The following FMN1 variants were observed in gnomAD, a reference collection of about 807,000 sequenced individuals.
FMN1 encodes the protein formin-1.
In FMN1, 110 loss-of-function variants were observed where a neutral mutation model predicts 132.4. That is an observed-to-expected ratio of 0.83 (90% CI 0.71 to 0.97). The LOEUF (loss-of-function observed/expected upper bound fraction) is 0.97, where lower values mean the gene tolerates loss of function less well. Ranked by LOEUF, FMN1 falls within the 50% of genes least tolerant of loss-of-function variation. The probability of loss-of-function intolerance (pLI) is 0.00; values close to 1 mark genes in which losing one functional copy is unlikely to be tolerated. For synonymous variants in FMN1, 722 were observed against 651.7 expected, an observed-to-expected ratio of 1.11 and a Z score of -1.64; for missense variants, 1,792 against 1,705.3, an observed-to-expected ratio of 1.05 and a Z score of -0.90.
intron 5 of FMN1, among the ~76,000 whole-genome samples, chr15:33,083,783 A>G (rs2038582022): frequency 6.6e-6 from 1 of 152,128 alleles, no homozygotes; most frequent in African/African-American, 2.4e-5. Context: ...AGGATAAAAA[A>G]GAAGGTTACC....
chr15:33,016,811 C>T (rs936375799), intron 6 of FMN1, among the ~76,000 whole-genome samples: 10 of 152,202 alleles, frequency 6.6e-5, no homozygotes, highest in Admixed American at 2.6e-4. Context: ...ATAGTAAAGG[C>T]TTTGACGCAG....
At chr15:32,940,829 C>T (rs1042947188) in intron 9 of FMN1, among the ~76,000 whole-genome samples, 1 of 152,134 alleles carries the variant, frequency 6.6e-6, no homozygotes, top group African/African-American at 2.4e-5. Flanking sequence ...TTCATGGCCA[C>T]TAGGGTAAAG....
chr15:33,009,246 T>G (rs542064385), intron 6 of FMN1, among the ~76,000 whole-genome samples: 2 of 152,106 alleles, frequency 1.3e-5, no homozygotes, highest in Admixed American at 1.3e-4. Flanking sequence ...GTTACCACCA[T>G]CTCCACTAGA....
intron 4 of FMN1, among the ~76,000 whole-genome samples, chr15:33,152,415 G>T (rs1414694902): frequency 1.3e-5 from 2 of 152,054 alleles, no homozygotes; most frequent in South Asian, 2.1e-4. Flanking sequence ...GTGCTTATTT[G>T]GGAAATTTAA....
intron 12 of FMN1, among the ~76,000 whole-genome samples, chr15:32,905,605 GCTTT>G (rs372632081): frequency 3.9e-4 from 60 of 152,196 alleles, no homozygotes; most frequent in African/African-American, 1.4e-3. Context: ...GTGGGCAATG[GCTTT>G]CTAAATCTGG....
intron 16 of FMN1, among the ~76,000 whole-genome samples, chr15:32,869,364 A>G (rs1211887082): frequency 6.6e-6 from 1 of 152,176 alleles, no homozygotes; most frequent in African/African-American, 2.4e-5. Context: ...GGGGCTTGCA[A>G]TTTTACTTAA....
chr15:33,182,166 A>G (rs768822594), intron 2 of FMN1, among the ~76,000 whole-genome samples: 1 of 152,224 alleles, frequency 6.6e-6, no homozygotes, highest in Non-Finnish European at 1.5e-5. Flanking sequence ...TGAAAGCATA[A>G]TAAAAAGTGG....
chr15:32,990,760 T>TA lies in FMN1; in HGVS notation c.2223+17253dup, dbSNP rs529612023. Among the ~76,000 whole-genome samples, 10 of 152,218 alleles carry TA rather than the reference T, an allele frequency of 6.6e-5. No individual in the cohort carries two copies. The South Asian group carries it at 2.1e-3, about 32-fold the overall frequency. On this transcript the variant is annotated intron_variant, in intron 7 of 20. Coordinates refer to ENST00000616417, the MANE Select transcript of FMN1 (RefSeq NM_001277313.2). ...ATGCCTGTGGAGGCCTCAGGAAACT[T>TA]ACAGTCGTGGTGGAAGGGGAAGCAA... is the stretch of plus-strand genomic sequence containing the variant.
At chr15:32,794,809 G>C (rs953579286) in intron 19 of FMN1, among the ~76,000 whole-genome samples, 2 of 152,070 alleles carry the variant, frequency 1.3e-5, no homozygotes, top group Non-Finnish European at 2.9e-5. Context: ...ATAAACCTTG[G>C]ATTATGATAC....
intron 10 of FMN1, among the ~76,000 whole-genome samples, chr15:32,915,390 C>A (rs905749802): frequency 4.6e-5 from 7 of 152,194 alleles, no homozygotes; most frequent in Admixed American, 3.9e-4. Flanking sequence ...ATTACATAAG[C>A]CCAATTAATT....
intron 16 of FMN1, among the ~76,000 whole-genome samples, chr15:32,858,646 G>A (rs966683870): frequency 6.6e-6 from 1 of 152,182 alleles, no homozygotes; most frequent in African/African-American, 2.4e-5. Context: ...AGGAAATCCT[G>A]TCCGTTGGGA....
intron 6 of FMN1, among the ~76,000 whole-genome samples, chr15:33,042,308 T>C: frequency 6.6e-6 from 1 of 152,142 alleles, no homozygotes; most frequent in Non-Finnish European, 1.5e-5. Context: ...ATTATAAGGT[T>C]TCCTTATATT....
chr15:32,939,449 AT>A lies in FMN1; in HGVS notation c.3139-13189del, dbSNP rs35662665. Reference sequence around the variant, plus strand: ...AACAAAGATGTGGAACATGACAAAGATTTTTTTTTTAATTTGTTATCAACCA... The same window carrying A: ...AACAAAGATGTGGAACATGACAAAGATTTTTTTTTAATTTGTTATCAACCA... On this transcript the variant is annotated intron_variant, in intron 9 of 20. Coordinates refer to ENST00000616417, the MANE Select transcript of FMN1 (RefSeq NM_001277313.2). Among the ~76,000 whole-genome samples, 67 of 150,742 alleles carry A rather than the reference AT, an allele frequency of 4.4e-4. No individual in the cohort carries two copies. The South Asian group carries it at 6.5e-3, about 15-fold the overall frequency.
chr15:32,880,083 T>TA (rs1485747002), intron 16 of FMN1, among the ~76,000 whole-genome samples: 2 of 152,024 alleles, frequency 1.3e-5, no homozygotes, highest in African/African-American at 2.4e-5. Flanking sequence ...TTATCAACTA[T>TA]AAATGATGTA....
At chr15:33,071,118 T>C (rs918641574) in intron 5 of FMN1, among the ~76,000 whole-genome samples, 1 of 152,060 alleles carries the variant, frequency 6.6e-6, no homozygotes, top group African/African-American at 2.4e-5. Context: ...GTATACTTTA[T>C]CCTCTTAAAT....
chr15:32,807,849 T>C (rs191501198), intron 17 of FMN1, among the ~76,000 whole-genome samples: 1 of 152,334 alleles, frequency 6.6e-6, no homozygotes, highest in African/African-American at 2.4e-5. Flanking sequence ...TCCCTAATTT[T>C]GCCCTTGTAC....
intron 6 of FMN1, chr15:33,012,735 A>T: frequency 1.3e-6 from 1 of 749,386 alleles, no homozygotes; most frequent in South Asian, 1.3e-5. Flanking sequence ...GTGGCCATGG[A>T]GGTGGTTTTG....
chr15:32,774,337 C>T lies in FMN1; in HGVS notation c.4233G>A (p.Gln1411=), dbSNP rs1313693266. The T allele has an allele frequency of 1.9e-6, 3 of 1,600,836 alleles. No homozygotes were observed. In the African/African-American group the frequency reaches 4.0e-5, roughly 21 times the overall value. The stretch of plus-strand genomic sequence containing the variant: ...AGTTAGTGGTCACACTGGCTTCCTT[C>T]TGACGCAGTCTTTCTTTCTGTTAAG... ...PTASLKERLR[Q]KEASVTTN The change falls in exon 21 of 21, where the codon CAG becomes CAA. Residue 1411 remains glutamine, a synonymous_variant. Transcript: ENST00000616417.
At chr15:33,142,687 C>A (rs558845369) in intron 4 of FMN1, among the ~76,000 whole-genome samples, 3 of 152,284 alleles carry the variant, frequency 2.0e-5, no homozygotes, top group Admixed American at 2.0e-4. Context: ...AATCACATGA[C>A]CTCAACTTAC....
Sources: allele counts gnomAD v4.1 joint callset (sites outside exome capture counted in the v4.1 genomes callset), GRCh38; gene constraint gnomAD v4.1.1; transcripts MANE v1.5; gene names NCBI Gene and HGNC (gene_info 2026-07-23, HGNC 2026-07-21).